Variants in NRXN1 observed in about 807,000 individuals in gnomAD.
NRXN1 encodes the protein neurexin-1.
A neutral mutation model predicts 150.9 loss-of-function variants in NRXN1; 39 were observed. The observed-to-expected ratio is 0.26, with a 90% CI of 0.20 to 0.34. The LOEUF is 0.34. Among genes scored for constraint, NRXN1 ranks in the 10% least tolerant of loss-of-function variants. NRXN1 has a pLI of 1.00. For synonymous variants in NRXN1, 924 were observed against 757.0 expected (o/e 1.22, Z -3.62); for missense variants, 1,815 against 1,949.9 (o/e 0.93, Z 1.30).
intron 5 of NRXN1, among the ~76,000 whole-genome samples, chr2:50,846,125 T>C (rs940936523): frequency 6.6e-6 from 1 of 152,220 alleles, no homozygotes; most frequent in African/African-American, 2.4e-5. Context: ...TAAAAAATTT[T>C]TTTTCATTGA....
chr2:50,476,413 T>C (rs1483759217), intron 15 of NRXN1, among the ~76,000 whole-genome samples: 2 of 152,102 alleles, frequency 1.3e-5, no homozygotes, highest in South Asian at 2.1e-4. Flanking sequence ...CAAGTTAGGT[T>C]ACATAACTTC....
At chr2:50,685,577 T>A (rs1337182983) in intron 5 of NRXN1, among the ~76,000 whole-genome samples, 2 of 152,166 alleles carry the variant, frequency 1.3e-5, no homozygotes, top group Non-Finnish European at 2.9e-5. Context: ...ATAATTTCTA[T>A]CCCTTTACCT....
chr2:50,850,742 GTT>G (rs10559451), intron 5 of NRXN1, among the ~76,000 whole-genome samples: 64,242 of 150,254 alleles, frequency 0.43, 15,454 homozygotes, highest in Non-Finnish European at 0.57. Flanking sequence ...TTAAACTAAG[GTT>G]TTTTTTTTTC....
Position 50,658,494 on chromosome 2 carries a change from T to G in NRXN1, c.833-34879A>C, listed in dbSNP as rs146101950. ...AAGAAATTATCTAAATTATTCTTAT[T>G]TCACATGTCTTCTAGAAATATAATT... On this transcript the variant is annotated intron_variant, in intron 5 of 22. Transcript: ENST00000401669. 2.7e-5 allele frequency among the ~76,000 whole-genome samples: 4 copies of G among 150,914 alleles called. No individual in the cohort carries two copies. The East Asian group carries it at 7.9e-4, about 30-fold the overall frequency.
At chr2:50,623,020 C>T (rs181234072) in intron 6 of NRXN1, among the ~76,000 whole-genome samples, 2 of 152,132 alleles carry the variant, frequency 1.3e-5, no homozygotes, top group African/African-American at 4.8e-5. Flanking sequence ...ACAAAAAAAC[C>T]AAAAACACAA....
chr2:50,772,891 G>A (rs1294549896), intron 5 of NRXN1, among the ~76,000 whole-genome samples: 1 of 152,058 alleles, frequency 6.6e-6, no homozygotes, highest in Non-Finnish European at 1.5e-5. Flanking sequence ...ATAGTATGGG[G>A]TGGCTAAACT....
At chr2:50,208,155 G>A (rs1346850877) in intron 18 of NRXN1, among the ~76,000 whole-genome samples, 1 of 152,060 alleles carries the variant, frequency 6.6e-6, no homozygotes, top group African/African-American at 2.4e-5. Flanking sequence ...CCCTCCAGTG[G>A]AAGACTGAAT....
Position 50,928,888 on chromosome 2 carries a change from C to T in NRXN1, c.773-2933G>A, listed in dbSNP as rs534265602. Among the ~76,000 whole-genome samples, 229 of 152,132 alleles carry T rather than the reference C, an allele frequency of 1.5e-3. 1 individual carries two copies. Among genetic ancestry groups the T allele is most frequent in the South Asian group, 3.9e-3 (19 of 4,832 alleles). On this transcript the variant is annotated intron_variant, in intron 2 of 22. Coordinates refer to ENST00000401669, the MANE Select transcript of NRXN1 (RefSeq NM_001330078.2). ...CGTCTCTTAATCATTAACTTTACTA[C>T]GATGACCACGCCACCTATAAAGATC... is the stretch of plus-strand genomic sequence containing the variant.
At chr2:50,045,435 G>A (rs1307766965) in intron 21 of NRXN1, among the ~76,000 whole-genome samples, 4 of 151,924 alleles carry the variant, frequency 2.6e-5, no homozygotes, top group East Asian at 1.9e-4. Flanking sequence ...CTCCGCCTCC[G>A]CCCAGGTTAA....
intron 18 of NRXN1, among the ~76,000 whole-genome samples, chr2:50,209,732 T>G (rs143196266): frequency 2.0e-5 from 3 of 152,192 alleles, no homozygotes; most frequent in Non-Finnish European, 2.9e-5. Flanking sequence ...TTAACAGATA[T>G]CTGATTTATT....
intron 5 of NRXN1, among the ~76,000 whole-genome samples, chr2:50,704,392 A>G (rs1694159593): frequency 6.6e-6 from 1 of 152,056 alleles, no homozygotes; most frequent in Admixed American, 6.6e-5. Flanking sequence ...CTAAGAAAAT[A>G]GAAATAAAAG....
chr2:50,870,879 T>C (rs1677678487), intron 5 of NRXN1, among the ~76,000 whole-genome samples: 1 of 151,924 alleles, frequency 6.6e-6, no homozygotes, highest in African/African-American at 2.4e-5. Context: ...GTCTTGGACT[T>C]CTGCACAACA....
intron 18 of NRXN1, among the ~76,000 whole-genome samples, chr2:50,205,123 C>T (rs1191002345): frequency 6.6e-6 from 1 of 152,012 alleles, no homozygotes; most frequent in Non-Finnish European, 1.5e-5. Context: ...AAATAAGTGA[C>T]AGAGTTGATG....
intron 21 of NRXN1, among the ~76,000 whole-genome samples, chr2:50,030,742 A>G (rs988340943): frequency 6.6e-6 from 1 of 152,208 alleles, no homozygotes; most frequent in African/African-American, 2.4e-5. Flanking sequence ...TTGGCAATGT[A>G]TAACTTAAAA....
At chr2:50,209,940 T>C (rs10185952) in intron 18 of NRXN1, among the ~76,000 whole-genome samples, 131,648 of 151,944 alleles carry the variant, frequency 0.87, 57,267 homozygotes, top group African/African-American at 0.93. Context: ...ATATGTACTG[T>C]TCTATGTATT....
rs377163493 is a variant in NRXN1, at chr2:50,531,395, T to C, written c.2179A>G (p.Met727Val). 3.7e-6 allele frequency: 6 copies of C among 1,612,362 alleles called. No homozygotes were observed. The African/African-American group carries it at 4.0e-5, about 11-fold the overall frequency. ...ATGACTACGGGGAGCTGAATTTTCA[T>C]AAACATGCTCCCATCATAGCTCAAA... ...TVLSYDGSMF[M>V]KIQLPVVMHT... is the part of the protein sequence containing the mutation. Residue 727 changes from methionine (M) to valine (V), a missense_variant, in exon 11 of 23, where the codon ATG becomes GTG. By Grantham distance (21) the Met-to-Val change is conservative. Coordinates refer to ENST00000401669, the MANE Select transcript of NRXN1 (RefSeq NM_001330078.2).
intron 22 of NRXN1, among the ~76,000 whole-genome samples, chr2:49,928,581 G>A (rs756204925): frequency 7.2e-5 from 11 of 151,916 alleles, no homozygotes; most frequent in Non-Finnish European, 1.5e-4. Context: ...GCCTCCTGGG[G>A]TGTTTGTGAA....
At chr2:50,281,317 A>AC (rs1472593775) in intron 17 of NRXN1, among the ~76,000 whole-genome samples, 10 of 148,236 alleles carry the variant, frequency 6.7e-5, no homozygotes, top group Admixed American at 3.4e-4. Flanking sequence ...ACTCCGTCTC[A>AC]AAAACAATAA....
chr2:50,328,110 A>C lies in NRXN1; in HGVS notation c.3365-91140T>G, dbSNP rs548267723. Among the ~76,000 whole-genome samples, 20 of 152,304 alleles carry C rather than the reference A, an allele frequency of 1.3e-4. No homozygotes were observed. In the Middle Eastern group the frequency reaches 0.01, roughly 78 times the overall value. On this transcript the variant is annotated intron_variant, in intron 17 of 22. Coordinates refer to ENST00000401669, the MANE Select transcript of NRXN1 (RefSeq NM_001330078.2). ...CTTGAAAAGAATGACATCATATAGC[A>C]AGCCTGTCCAATCTGCAGCCTGCAT... is the stretch of plus-strand genomic sequence containing the variant.
Sources: allele counts gnomAD v4.1 joint callset (sites outside exome capture counted in the v4.1 genomes callset), GRCh38; gene constraint gnomAD v4.1.1; transcripts MANE v1.5; gene names NCBI Gene and HGNC (gene_info 2026-07-23, HGNC 2026-07-21).